NALCN: variants seen among roughly 807,000 people sequenced by gnomAD.
NALCN encodes sodium leak channel, non-selective.
Under a neutral mutation model 225.3 loss-of-function variants are expected in NALCN, and 111 were observed. The ratio of observed to expected loss-of-function variants is 0.49; its 90% confidence interval spans 0.42 to 0.58. NALCN has a LOEUF of 0.58. Ranked by LOEUF, NALCN falls within the 20% of genes least tolerant of loss-of-function variation. The pLI, the probability that NALCN is intolerant of heterozygous loss-of-function variation, is 0.00. For missense variants in NALCN, 1,378 were observed against 2,202.4 expected (o/e 0.63, Z 7.49); for synonymous variants, 764 against 769.0 (o/e 0.99, Z 0.11).
intron 14 of NALCN, among the ~76,000 whole-genome samples, chr13:101,190,736 G>T (rs2039647063): frequency 6.6e-6 from 1 of 152,062 alleles, no homozygotes; most frequent in Non-Finnish European, 1.5e-5. Flanking sequence ...AGTTTATCAA[G>T]GACTTATTTC....
chr13:101,075,445 C>A (rs1430373515), intron 35 of NALCN, among the ~76,000 whole-genome samples: 1 of 80,490 alleles, frequency 1.2e-5, no homozygotes. Context: ...CAGAGCAAGA[C>A]TCCATCTCAA....
chr13:101,149,232 A>G (rs185897508), intron 15 of NALCN, among the ~76,000 whole-genome samples: 136 of 151,908 alleles, frequency 9.0e-4, no homozygotes, highest in East Asian at 4.7e-3. Context: ...GGTGGAGCTT[A>G]CAGTGAGCCA....
chr13:101,081,956 TAGCCTCTGCCTCCCGGGTTCA>T (rs2033677007), intron 33 of NALCN, among the ~76,000 whole-genome samples: 1 of 152,016 alleles, frequency 6.6e-6, no homozygotes, highest in Non-Finnish European at 1.5e-5. Context: ...TGGCTCACTG[TAGCCTCTGCCTCCCGGGTTCA>T]AGCAATTCTC....
chr13:101,327,956 T>C (rs898888696), intron 7 of NALCN, among the ~76,000 whole-genome samples: 1 of 152,176 alleles, frequency 6.6e-6, no homozygotes, highest in Non-Finnish European at 1.5e-5. Context: ...CTACTGAACT[T>C]TTCTGCTGTT....
At chr13:101,226,154 C>T (rs2041133478) in intron 13 of NALCN, among the ~76,000 whole-genome samples, 1 of 152,084 alleles carries the variant, frequency 6.6e-6, no homozygotes, top group Non-Finnish European at 1.5e-5. Flanking sequence ...AGCACCCAAA[C>T]ATCAGCCTAA....
intron 2 of NALCN, among the ~76,000 whole-genome samples, chr13:101,396,397 T>C (rs2047294329): frequency 6.6e-6 from 1 of 152,142 alleles, no homozygotes; most frequent in Non-Finnish European, 1.5e-5. Context: ...TATGAAATTA[T>C]GATAATTCTT....
intron 34 of NALCN, among the ~76,000 whole-genome samples, chr13:101,080,220 A>G (rs1336664629): frequency 1.3e-5 from 2 of 152,132 alleles, no homozygotes; most frequent in South Asian, 2.1e-4. Flanking sequence ...AACCTAGACT[A>G]GGACCCATAT....
chr13:101,380,485 T>A (rs2046818536), intron 3 of NALCN, among the ~76,000 whole-genome samples: 2 of 152,172 alleles, frequency 1.3e-5, no homozygotes. Flanking sequence ...CTTTGCTTTT[T>A]TAGGACTATC....
At chr13:101,322,083 T>C (rs1469830112) in intron 7 of NALCN, among the ~76,000 whole-genome samples, 7 of 152,322 alleles carry the variant, frequency 4.6e-5, no homozygotes, top group South Asian at 4.1e-4. Context: ...TAGAGGCTTA[T>C]AGGATTTTTT....
chr13:101,389,182 T>C (rs190255385), intron 3 of NALCN, among the ~76,000 whole-genome samples: 28 of 152,336 alleles, frequency 1.8e-4, no homozygotes, highest in African/African-American at 4.1e-4. Flanking sequence ...AATCTGTTCA[T>C]TGAAGCTATG....
At chr13:101,093,086 C>G (rs1434199350) in intron 28 of NALCN, among the ~76,000 whole-genome samples, 1 of 152,072 alleles carries the variant, frequency 6.6e-6, no homozygotes, top group Non-Finnish European at 1.5e-5. Context: ...TAGTTTTTCT[C>G]CCATGCATGC....
intron 13 of NALCN, among the ~76,000 whole-genome samples, chr13:101,193,820 G>GT (rs2039781349): frequency 6.6e-6 from 1 of 151,952 alleles, no homozygotes; most frequent in African/African-American, 2.4e-5. Context: ...GTATCCAAAG[G>GT]TGAGGAACAC....
intron 15 of NALCN, among the ~76,000 whole-genome samples, chr13:101,165,197 C>T (rs1322710498): frequency 6.6e-6 from 1 of 152,148 alleles, no homozygotes; most frequent in Non-Finnish European, 1.5e-5. Context: ...GTTAACATAT[C>T]TAACAAAATT....
At chr13:101,159,985 C>T (rs939342128) in intron 15 of NALCN, among the ~76,000 whole-genome samples, 3 of 143,322 alleles carry the variant, frequency 2.1e-5, no homozygotes, top group Non-Finnish European at 4.7e-5. Context: ...GACGGAGTCT[C>T]ATTCTGTCGC....
intron 3 of NALCN, among the ~76,000 whole-genome samples, chr13:101,384,711 C>T (rs1433183471): frequency 1.3e-5 from 2 of 152,142 alleles, no homozygotes; most frequent in Non-Finnish European, 2.9e-5. Flanking sequence ...TCTGCAACAA[C>T]ACAGACATGT....
chr13:101,373,814 T>G (rs1398449740), intron 6 of NALCN, among the ~76,000 whole-genome samples: 1 of 152,126 alleles, frequency 6.6e-6, no homozygotes, highest in Admixed American at 6.5e-5. Flanking sequence ...ACAAGTTAAT[T>G]TGAGAAGGAT....
intron 3 of NALCN, among the ~76,000 whole-genome samples, chr13:101,392,096 A>G (rs1356232241): frequency 6.6e-6 from 1 of 152,134 alleles, no homozygotes; most frequent in African/African-American, 2.4e-5. Context: ...AACCCCCACA[A>G]AAACGCAACA....
chr13:101,395,387 A>C, intron 2 of NALCN, 22 bp from the exon 3 acceptor site: 1 of 1,606,148 alleles, frequency 6.2e-7, no homozygotes, highest in Non-Finnish European at 8.5e-7. Flanking sequence ...GTCCAGAGTT[A>C]CTACACGGCA....
At chr13:101,258,870 A>G (rs1566496604) in intron 10 of NALCN, among the ~76,000 whole-genome samples, 1 of 152,220 alleles carries the variant, frequency 6.6e-6, no homozygotes, top group Non-Finnish European at 1.5e-5. Context: ...GTTGGGTAGT[A>G]TTTATCCTTA....
Sources: gnomAD v4.1 joint callset for allele counts (sites outside exome capture counted in the v4.1 genomes callset) on GRCh38, gnomAD v4.1.1 for gene constraint, MANE v1.5 for transcripts, NCBI Gene and HGNC (gene_info 2026-07-23, HGNC 2026-07-21) for gene names.